ZNF157: variants seen among roughly 807,000 people sequenced by gnomAD.
ZNF157 encodes zinc finger protein 22.
A neutral mutation model predicts 9.4 loss-of-function variants in ZNF157; 8 were observed. The observed-to-expected ratio is 0.85, with a 90% CI of 0.50 to 1.53. The LOEUF (loss-of-function observed/expected upper bound fraction) is 1.53. Ranked by LOEUF, ZNF157 falls within the 40% of genes most tolerant of loss-of-function variation. ZNF157 has a pLI of 0.00. For synonymous variants in ZNF157, 120 were observed against 130.8 expected, an observed-to-expected ratio of 0.92 and a Z score of 0.56; for missense variants, 316 against 385.2, an observed-to-expected ratio of 0.82 and a Z score of 1.50.
At chrX:47,373,314 G>GT (rs1457399813) in intron 1 of ZNF157, among the ~76,000 whole-genome samples, 1 of 111,909 alleles carries the variant, frequency 8.9e-6, no homozygotes, top group Non-Finnish European at 1.9e-5. Flanking sequence ...TACCACGACA[G>GT]TTGTAGGTAA....
Position 47,412,922 on chromosome X carries a change from T to C in ZNF157, c.849T>C (p.Phe283=). The change falls in exon 4 of 4, where the codon TTT becomes TTC. Residue 283 remains phenylalanine (F), a synonymous_variant. Coordinates refer to ENST00000377073, the MANE Select transcript of ZNF157 (RefSeq NM_003446.4). ...AATGTAGTGAATGTGGGAAAACATT[T>C]CGTGTAAAGATATCCCTTACCCAAC... ...PYECSECGKT[F]RVKISLTQHH... is the part of the protein sequence containing the mutation. 8.3e-7 allele frequency: 1 copy of C among 1,207,347 alleles called. No individual in the cohort carries two copies.
At chrX:47,401,071 TC>T (rs1222092536) in intron 1 of ZNF157, among the ~76,000 whole-genome samples, 1 of 112,170 alleles carries the variant, frequency 8.9e-6, no homozygotes, top group African/African-American at 3.2e-5. Flanking sequence ...TGCCTTGCAA[TC>T]CTCCAGTAGC....
chrX:47,382,461 C>T (rs2055866739), intron 1 of ZNF157, among the ~76,000 whole-genome samples: 1 of 106,216 alleles, frequency 9.4e-6, no homozygotes, highest in Non-Finnish European at 1.9e-5. Context: ...CCTCGTGATC[C>T]GCCCACCTCG....
At chrX:47,403,547 C>T (rs991027314) in intron 1 of ZNF157, among the ~76,000 whole-genome samples, 2 of 110,492 alleles carry the variant, frequency 1.8e-5, no homozygotes, top group Non-Finnish European at 3.8e-5. Flanking sequence ...GTTGCTTAGG[C>T]TTGTCTCGAA....
intron 1 of ZNF157, among the ~76,000 whole-genome samples, chrX:47,395,729 C>G (rs1294335467): frequency 9.0e-6 from 1 of 111,660 alleles, no homozygotes; most frequent in Non-Finnish European, 1.9e-5. Context: ...CTTTGGGAGG[C>G]CGAGGTGGGA....
At position 47,413,168 on chromosome X, in the gene ZNF157, A is replaced by G. The variant is rs148924582; in HGVS notation, c.1095A>G (p.Lys365=). Residue 365 remains lysine, a synonymous_variant, in exon 4 of 4, where the codon AAA becomes AAG. Transcript: ENST00000377073. ...CCTATCAGTGTAATGAATGTGGGAA[A>G]TCTTTCAGGGTGCACTCATCTCTTG... ...EKPYQCNECG[K]SFRVHSSLGI... 52 of 1,210,278 alleles carry G rather than the reference A, an allele frequency of 4.3e-5. No individual in the cohort carries two copies. In the African/African-American group the frequency reaches 7.5e-4, roughly 17 times the overall value.
chrX:47,374,233 T>A (rs1454097192), intron 1 of ZNF157, among the ~76,000 whole-genome samples: 1 of 110,504 alleles, frequency 9.0e-6, no homozygotes, highest in Non-Finnish European at 1.9e-5. Flanking sequence ...TCTTGCTTGA[T>A]GTGTGAGGAA....
At chrX:47,389,057 C>T (rs763501077) in intron 1 of ZNF157, among the ~76,000 whole-genome samples, 8 of 111,004 alleles carry the variant, frequency 7.2e-5, no homozygotes, top group Admixed American at 1.9e-4. Flanking sequence ...GTGATCCATC[C>T]GCCCTTGGCC....
chrX:47,408,810 G>A (rs891525962), intron 1 of ZNF157, among the ~76,000 whole-genome samples: 10 of 111,434 alleles, frequency 9.0e-5, no homozygotes, highest in African/African-American at 2.3e-4. Flanking sequence ...TCACTATGGC[G>A]ATGACAGCAC....
At chrX:47,383,989 G>T (rs185448106) in intron 1 of ZNF157, among the ~76,000 whole-genome samples, 37 of 110,501 alleles carry the variant, frequency 3.3e-4, no homozygotes, top group African/African-American at 1.1e-3. Context: ...AGGCTTTGTG[G>T]CTGGGTGCGG....
intron 1 of ZNF157, among the ~76,000 whole-genome samples, chrX:47,373,864 AT>A (rs147425636): frequency 8.1e-5 from 8 of 99,036 alleles, no homozygotes; most frequent in Non-Finnish European, 1.2e-4. Context: ...ATTAAAAAAA[AT>A]TTTTTTTTTT....
chrX:47,408,223 C>T (rs2055953145), intron 1 of ZNF157, among the ~76,000 whole-genome samples: 1 of 111,076 alleles, frequency 9.0e-6, no homozygotes, highest in African/African-American at 3.3e-5. Context: ...GATTCTCCTG[C>T]CTCAGCCTCC....
intron 1 of ZNF157, chrX:47,390,155 G>A (rs2055892550): frequency 1.8e-5 from 2 of 111,246 alleles, no homozygotes; most frequent in South Asian, 7.5e-4. Flanking sequence ...GCCTGTGTGG[G>A]AGGAGCATTA....
chrX:47,404,798 T>C (rs2055941917), intron 1 of ZNF157, among the ~76,000 whole-genome samples: 1 of 111,188 alleles, frequency 9.0e-6, no homozygotes, highest in Non-Finnish European at 1.9e-5. Flanking sequence ...TATTATTTAT[T>C]TTTTTAAATT....
chrX:47,372,327 A>C (rs1417687572), intron 1 of ZNF157, among the ~76,000 whole-genome samples: 2 of 108,523 alleles, frequency 1.8e-5, no homozygotes, highest in Admixed American at 1.0e-4. Context: ...TACATAATGA[A>C]GCCCCCCTAA....
At chrX:47,371,124 G>A (rs1457317575) in intron 1 of ZNF157, among the ~76,000 whole-genome samples, 3 of 111,096 alleles carry the variant, frequency 2.7e-5, no homozygotes, top group Admixed American at 9.6e-5. Context: ...GATCACTTGC[G>A]GCCAGGAGTT....
rs759675561 is a variant in ZNF157, at chrX:47,375,848, C to T, written c.72+5108C>T. Among the ~76,000 whole-genome samples the T allele has an allele frequency of 8.1e-5, 9 of 111,231 alleles. No individual in the cohort carries two copies. The South Asian group carries it at 3.0e-3, about 38-fold the overall frequency. Reference sequence around the variant, plus strand: ...AGTTAGGACCACAGGCACATGCCACCATGTCTGGCTAATTTTCAGTATTTT... The same window carrying T: ...AGTTAGGACCACAGGCACATGCCACTATGTCTGGCTAATTTTCAGTATTTT... On this transcript the variant is annotated intron_variant, in intron 1 of 3. Transcript: ENST00000377073.
intron 1 of ZNF157, 81 bp downstream of exon 1, chrX:47,370,821 T>C (rs1217483943): frequency 3.3e-6 from 3 of 903,284 alleles, no homozygotes; most frequent in African/African-American, 4.1e-5. Context: ...TTTGAGATAA[T>C]TGTAGATTCA....
chrX:47,388,216 A>G (rs1050542562), intron 1 of ZNF157, among the ~76,000 whole-genome samples: 2 of 109,536 alleles, frequency 1.8e-5, no homozygotes, highest in Non-Finnish European at 3.8e-5. Context: ...CCTCCTGAGT[A>G]GCAGTGACTA....
Sources: gnomAD v4.1 joint callset for allele counts (sites outside exome capture counted in the v4.1 genomes callset) on GRCh38, gnomAD v4.1.1 for gene constraint, MANE v1.5 for transcripts, NCBI Gene and HGNC (gene_info 2026-07-23, HGNC 2026-07-21) for gene names.